Variants in VPS53 observed in about 807,000 individuals in gnomAD.
VPS53 encodes VPS53 subunit of GARP complex, also known as vacuolar protein sorting-associated protein 53 homolog.
Under a neutral mutation model 107.0 loss-of-function variants are expected in VPS53, and 70 were observed. The observed-to-expected ratio is 0.65, with a 90% CI of 0.54 to 0.80. The LOEUF (loss-of-function observed/expected upper bound fraction) is 0.80, where lower values mean the gene tolerates loss of function less well. Among genes scored for constraint, VPS53 ranks in the 30% least tolerant of loss-of-function variants. VPS53 has a pLI of 0.00. For synonymous variants in VPS53, 409 were observed against 393.3 expected (o/e 1.04, Z -0.47); for missense variants, 917 against 1,049.4 (o/e 0.87, Z 1.74).
At chr17:537,211 C>A in intron 17 of VPS53, 35 bp from the exon 18 acceptor site, 8 of 1,609,006 alleles carry the variant, frequency 5.0e-6, no homozygotes, top group Non-Finnish European at 6.8e-6. Flanking sequence ...TTGAATCCCT[C>A]GCAGGAGAAC....
chr17:579,544 C>T (rs546170071), intron 13 of VPS53, among the ~76,000 whole-genome samples: 14 of 150,920 alleles, frequency 9.3e-5, no homozygotes, highest in East Asian at 7.9e-4. Context: ...GAGAACTTCC[C>T]TCAGGACCTC....
intron 11 of VPS53, among the ~76,000 whole-genome samples, chr17:618,398 GCACCACCA>G: frequency 8.7e-6 from 1 of 114,996 alleles, no homozygotes; most frequent in Admixed American, 8.5e-5. Context: ...CTACAGGCGT[GCACCACCA>G]CGCCCCACTA....
At chr17:684,736 C>G (rs1426758022) in intron 4 of VPS53, among the ~76,000 whole-genome samples, 2 of 152,050 alleles carry the variant, frequency 1.3e-5, no homozygotes, top group Non-Finnish European at 2.9e-5. Context: ...CCTGTAATCC[C>G]AGCATTTTGG....
chr17:583,214 G>A (rs1175615581), intron 13 of VPS53, among the ~76,000 whole-genome samples: 1 of 147,238 alleles, frequency 6.8e-6, no homozygotes, highest in Non-Finnish European at 1.5e-5. Context: ...ACCTCCCTCA[G>A]AACCTCAGTG....
chr17:560,605 G>A, intron 14 of VPS53, 32 bp from the exon 15 acceptor site: 1 of 1,593,858 alleles, frequency 6.3e-7, no homozygotes, highest in South Asian at 1.1e-5. Context: ...AAGTCAGCAT[G>A]GAATTTCTAA....
At chr17:545,044 G>A (rs1214531326) in intron 17 of VPS53, among the ~76,000 whole-genome samples, 4 of 152,054 alleles carry the variant, frequency 2.6e-5, no homozygotes, top group Non-Finnish European at 4.4e-5. Flanking sequence ...TTATGCCACC[G>A]CACCCAAGCC....
intron 19 of VPS53, among the ~76,000 whole-genome samples, chr17:527,111 C>T (rs1909177844): frequency 6.6e-6 from 1 of 152,230 alleles, no homozygotes; most frequent in Admixed American, 6.5e-5. Flanking sequence ...GATCAACATC[C>T]AGACATGTGC....
At position 697,469 on chromosome 17, in the gene VPS53, A is replaced by G; in HGVS notation, c.234T>C (p.Asn78=). 6.2e-7 allele frequency: 1 copy of G among 1,613,884 alleles called. No individual in the cohort carries two copies. Residue 78 remains asparagine (N), a synonymous_variant, in exon 4 of 22, where the codon AAT becomes AAC. Coordinates refer to ENST00000437048, the MANE Select transcript of VPS53 (RefSeq NM_001128159.3). ...IRLKIRRLDD[N]IRTVVRGQTN... is the part of the protein sequence containing the mutation. ...TCTGACCTCTTACAACAGTTCGAAT[A>G]TTGTCATCCAGTCTCCTAGCAAAAC... is the stretch of plus-strand genomic sequence containing the variant.
At chr17:644,785 T>C (rs1029065986) in intron 7 of VPS53, among the ~76,000 whole-genome samples, 1 of 152,196 alleles carries the variant, frequency 6.6e-6, no homozygotes, top group East Asian at 1.9e-4. Flanking sequence ...GGTTTCACCA[T>C]GTTGTCCAGG....
intron 19 of VPS53, among the ~76,000 whole-genome samples, chr17:522,730 CTT>C (rs1004965849): frequency 2.6e-5 from 4 of 152,234 alleles, no homozygotes; most frequent in Admixed American, 6.5e-5. Flanking sequence ...ACCTTTTCCT[CTT>C]TGTTTGTTCT....
Position 714,612 on chromosome 17 carries a change from G to T in VPS53, c.87+11C>A. On this transcript the variant is annotated intron_variant, in intron 1 of 21. Transcript: ENST00000437048. ...ACTCCCGTTTCCCCTCCTGAGGGGC[G>T]GAACGCTTACCTGCTCGATGGCCAG... 2.5e-6 allele frequency: 4 copies of T among 1,606,638 alleles called. No homozygotes were observed. Among genetic ancestry groups the T allele is most frequent in the Non-Finnish European group, 3.4e-6 (4 of 1,176,312 alleles).
chr17:560,257 G>A (rs548177038), intron 15 of VPS53, among the ~76,000 whole-genome samples, 169 bp downstream of exon 15: 1 of 152,384 alleles, frequency 6.6e-6, no homozygotes, highest in East Asian at 1.9e-4. Context: ...TAAGACAGCT[G>A]CCTGGGCAGC....
chr17:624,995 C>CT (rs56344843), intron 10 of VPS53, among the ~76,000 whole-genome samples: 10,557 of 108,926 alleles, frequency 0.097, 669 homozygotes, highest in East Asian at 0.35. Flanking sequence ...TCTCTCTCTT[C>CT]TTTTTTTTTT....
At chr17:644,534 A>G (rs1012978972) in intron 7 of VPS53, among the ~76,000 whole-genome samples, 5 of 152,166 alleles carry the variant, frequency 3.3e-5, no homozygotes, top group African/African-American at 1.2e-4. Context: ...ATCCTAGTCA[A>G]GCACTGAAAA....
chr17:665,395 A>G (rs1442199302), intron 4 of VPS53, among the ~76,000 whole-genome samples: 1 of 152,254 alleles, frequency 6.6e-6, no homozygotes, highest in Admixed American at 6.5e-5. Flanking sequence ...CCCAGCCTCC[A>G]GAATTATAAG....
intron 4 of VPS53, among the ~76,000 whole-genome samples, chr17:689,276 C>A (rs1182546258): frequency 6.6e-6 from 1 of 151,966 alleles, no homozygotes; most frequent in Non-Finnish European, 1.5e-5. Context: ...AAGATCAATG[C>A]CATGCTGGGA....
intron 11 of VPS53, among the ~76,000 whole-genome samples, chr17:619,566 A>T: frequency 1.4e-5 from 1 of 73,788 alleles, no homozygotes; most frequent in Non-Finnish European, 2.5e-5. Flanking sequence ...GACTACAGGC[A>T]TGCACCACCA....
intron 4 of VPS53, among the ~76,000 whole-genome samples, chr17:679,215 A>C (rs1009489660): frequency 2.6e-5 from 4 of 151,962 alleles, no homozygotes; most frequent in Admixed American, 6.6e-5. Flanking sequence ...GAAAACATAA[A>C]ATTAAGAATG....
intron 18 of VPS53, 168 bp downstream of exon 18, chr17:536,860 G>A: frequency 1.3e-6 from 1 of 767,106 alleles, no homozygotes; most frequent in Non-Finnish European, 2.0e-6. Context: ...GCCACTTTGT[G>A]TGTGGGGAGG....
Sources: gnomAD v4.1 joint callset for allele counts (sites outside exome capture counted in the v4.1 genomes callset) on GRCh38, gnomAD v4.1.1 for gene constraint, MANE v1.5 for transcripts, NCBI Gene and HGNC (gene_info 2026-07-23, HGNC 2026-07-21) for gene names.